The following CD109 variants were observed in gnomAD, a reference collection of about 807,000 sequenced individuals.
CD109 encodes the protein CD109 antigen.
A neutral mutation model predicts 165.8 loss-of-function variants in CD109; 149 were observed. The ratio of observed to expected loss-of-function variants is 0.90; its 90% confidence interval spans 0.79 to 1.03. CD109 has a LOEUF of 1.03. Ranked by LOEUF, CD109 falls within the 50% of genes least tolerant of loss-of-function variation. The pLI is 0.00. For synonymous variants in CD109, 585 were observed against 592.1 expected, an observed-to-expected ratio of 0.99 and a Z score of 0.18; for missense variants, 1,712 against 1,677.8, an observed-to-expected ratio of 1.02 and a Z score of -0.36.
intron 30 of CD109, among the ~76,000 whole-genome samples, chr6:73,817,682 C>G (rs1316531328): frequency 6.6e-6 from 1 of 152,152 alleles, no homozygotes; most frequent in Non-Finnish European, 1.5e-5. Context: ...CTCTTGCCAT[C>G]AATTCATTTT....
the CD109 span, among the ~76,000 whole-genome samples, chr6:73,686,492 C>T: frequency 1.3e-5 from 2 of 152,014 alleles, no homozygotes; most frequent in Non-Finnish European, 2.9e-5. Flanking sequence ...TTGGCAAGAC[C>T]ACTTCTTAGG....
At position 73,780,415 on chromosome 6, in the gene CD109, TCTC is replaced by T. The variant is rs1286569350; in HGVS notation, c.1828-6_1828-4del. On this transcript the variant is annotated splice_region_variant and splice_polypyrimidine_tract_variant and intron_variant, in intron 15 of 32. Transcript: ENST00000287097. ...TCCATTCATTCCGTATATTTTATCTTCTCCTTAGGTGGTCCATGAGTTGGAACT... is the reference window on the plus strand; with the variant it reads ...TCCATTCATTCCGTATATTTTATCTTCTTAGGTGGTCCATGAGTTGGAACT... 3 of 1,544,588 alleles carry T rather than the reference TCTC, an allele frequency of 1.9e-6. No homozygotes were observed. The highest frequency in any genetic ancestry group is 3.4e-5 in the Admixed American group (2 of 59,578).
At chr6:73,699,240 A>T (rs1300022514) in intron 2 of CD109, among the ~76,000 whole-genome samples, 1 of 152,174 alleles carries the variant, frequency 6.6e-6, no homozygotes, top group African/African-American at 2.4e-5. Context: ...GGGTATTAAA[A>T]AACCACCTAT....
chr6:73,701,559 G>T (rs1771080420), intron 2 of CD109, among the ~76,000 whole-genome samples: 1 of 152,048 alleles, frequency 6.6e-6, no homozygotes, highest in African/African-American at 2.4e-5. Flanking sequence ...AACATTTTGA[G>T]AACTGTCCTC....
chr6:73,694,570 T>C (rs1323490827), upstream of CD109: 1 of 152,200 alleles, frequency 6.6e-6, no homozygotes, highest in Non-Finnish European at 1.5e-5. Flanking sequence ...TGAGAAGAAT[T>C]TTCTGTGTTC....
intron 5 of CD109, among the ~76,000 whole-genome samples, chr6:73,738,829 C>T (rs1397264349): frequency 6.6e-6 from 1 of 152,220 alleles, no homozygotes; most frequent in Non-Finnish European, 1.5e-5. Flanking sequence ...TTTCATCATG[C>T]TGTTCCCTCT....
chr6:73,751,205 G>A (rs187503708), intron 5 of CD109, among the ~76,000 whole-genome samples: 4 of 152,306 alleles, frequency 2.6e-5, no homozygotes, highest in Non-Finnish European at 5.9e-5. Context: ...ATGGTTCAAT[G>A]TAATACTGTT....
chr6:73,808,064 A>G lies in CD109; in HGVS notation c.3190-19A>G, dbSNP rs369629272. On this transcript the variant is annotated intron_variant, in intron 25 of 32. Coordinates refer to ENST00000287097, the MANE Select transcript of CD109 (RefSeq NM_133493.5). ...TGGGTTACTCTGAATAGTAAAAAAC[A>G]TACTTTTTTTCTTCCAAGCCTAACA... is the stretch of plus-strand genomic sequence containing the variant. The G allele has an allele frequency of 2.0e-4, 328 of 1,608,774 alleles. 1 individual carries two copies. The African/African-American group carries it at 3.5e-3, about 17-fold the overall frequency.
In CD109 at chr6:73,811,105, T is replaced by G. The variant is rs749698089; in HGVS notation, c.3660T>G (p.Phe1220Leu). 2 of 1,613,252 alleles carry G rather than the reference T, an allele frequency of 1.2e-6. No individual in the cohort carries two copies. Among genetic ancestry groups the G allele is most frequent in the South Asian group, 1.1e-5 (1 of 91,046 alleles). Residue 1220 changes from phenylalanine (F) to leucine (L), a missense_variant, in exon 28 of 33, where the codon TTT becomes TTG. Physicochemically the swap from Phe to Leu is conservative, Grantham distance 22. Coordinates refer to ENST00000287097, the MANE Select transcript of CD109 (RefSeq NM_133493.5). ...TGPSSPSPVK[F>L]LIDTHNRLLL... is the part of the protein sequence containing the mutation. ...CTAGCTCACCAAGTCCTGTAAAGTT[T>G]CTGATTGACACACACAACCGCTTAC...
chr6:73,807,963 G>A, intron 25 of CD109, 120 bp from the exon 26 acceptor site: 2 of 767,684 alleles, frequency 2.6e-6, no homozygotes, highest in Non-Finnish European at 2.1e-6. Flanking sequence ...CTAGTACAAG[G>A]TCAGGTACTT....
intron 2 of CD109, among the ~76,000 whole-genome samples, chr6:73,707,955 G>A (rs866444887): frequency 1.6e-4 from 20 of 123,424 alleles, no homozygotes; most frequent in South Asian, 2.6e-4. Context: ...ATTTAAAATT[G>A]TTATCTTTAT....
chr6:73,768,100 A>C lies in CD109; in HGVS notation c.1543A>C (p.Thr515Pro), dbSNP rs139041572. 1 of 1,613,452 alleles carries C rather than the reference A, an allele frequency of 6.2e-7. No homozygotes were observed. Among genetic ancestry groups the C allele is most frequent in the African/African-American group, 1.3e-5 (1 of 74,912 alleles). The change falls in exon 14 of 33, where the codon ACA (threonine) becomes CCA (proline). Residue 515 changes from threonine (T) to proline (P), a missense_variant. Thr to Pro is a conservative substitution (Grantham distance 38). Transcript: ENST00000287097. ...GGTGGCTGTAGGAAAACAAAATTCAACAATGTTCTCTTTAACACCAGAAAA... is the reference window on the plus strand; with the variant it reads ...GGTGGCTGTAGGAAAACAAAATTCACCAATGTTCTCTTTAACACCAGAAAA... ...QLVAVGKQNS[T>P]MFSLTPENSW...
intron 5 of CD109, among the ~76,000 whole-genome samples, chr6:73,755,623 G>A (rs1773360780): frequency 6.6e-6 from 1 of 152,090 alleles, no homozygotes; most frequent in Admixed American, 6.6e-5. Context: ...AATTTGGAGA[G>A]GTTCTATTTA....
At chr6:73,744,607 A>G (rs923210906) in intron 5 of CD109, among the ~76,000 whole-genome samples, 3 of 152,144 alleles carry the variant, frequency 2.0e-5, no homozygotes, top group South Asian at 4.1e-4. Flanking sequence ...TTTTGGTGCC[A>G]TATTATTCTT....
At position 73,812,208 on chromosome 6, in the gene CD109, G is replaced by T. The variant is rs1330677102; in HGVS notation, c.3706G>T (p.Ala1236Ser). 6.2e-7 allele frequency: 1 copy of T among 1,608,126 alleles called. No homozygotes were observed. The highest frequency in any genetic ancestry group is 1.3e-5 in the African/African-American group (1 of 74,764). The change falls in exon 29 of 33, where the codon GCT (alanine) becomes TCT (serine). Residue 1236 changes from alanine (A) to serine (S), a missense_variant. Ala to Ser is a moderately conservative substitution (Grantham distance 99). Coordinates refer to ENST00000287097, the MANE Select transcript of CD109 (RefSeq NM_133493.5). The part of the protein sequence containing the change: ...NRLLLQTAEL[A>S]VVQPTAVNIS... ...ACTTTTTTTCACCTTGATTCAGCTT[G>T]CTGTGGTACAGCCAACGGCAGTTAA... is the stretch of plus-strand genomic sequence containing the variant.
At position 73,782,747 on chromosome 6, in the gene CD109, C is replaced by T; in HGVS notation, c.2097C>T (p.Thr699=). ...HFPETWIWLD[T]NMGYRIYQEF... ...CAGAGACTTGGATTTGGCTAGACAC[C>T]AACATGGGGTAAAAATTTATAAAGT... Residue 699 remains threonine (T), a synonymous_variant, in exon 18 of 33, where the codon ACC becomes ACT. Transcript: ENST00000287097. The T allele has an allele frequency of 6.2e-7, 1 of 1,613,344 alleles. No individual in the cohort carries two copies. The highest frequency in any genetic ancestry group is 8.5e-7 in the Non-Finnish European group (1 of 1,179,634).
intron 22 of CD109, among the ~76,000 whole-genome samples, chr6:73,791,230 T>C (rs1422004604): frequency 7.7e-6 from 1 of 129,280 alleles, no homozygotes; most frequent in African/African-American, 3.0e-5. Context: ...TAATTTTTTT[T>C]TGGAAGAGGC....
At chr6:73,760,377 G>T (rs1188452935) in intron 7 of CD109, among the ~76,000 whole-genome samples, 1 of 134,084 alleles carries the variant, frequency 7.5e-6, no homozygotes, top group Admixed American at 8.1e-5. Flanking sequence ...ACTGCAGTCC[G>T]GCCTGGGCTA....
intron 15 of CD109, among the ~76,000 whole-genome samples, chr6:73,778,963 T>C (rs183832360): frequency 1.8e-4 from 28 of 152,314 alleles, no homozygotes; most frequent in Admixed American, 5.9e-4. Flanking sequence ...CCATTTTAAG[T>C]GTTTAATTCA....
Sources: allele counts gnomAD v4.1 joint callset (sites outside exome capture counted in the v4.1 genomes callset), GRCh38; gene constraint gnomAD v4.1.1; transcripts MANE v1.5; gene names NCBI Gene and HGNC (gene_info 2026-07-23, HGNC 2026-07-21).